RANBP2: variants seen among roughly 807,000 people sequenced by gnomAD.
RANBP2 encodes E3 SUMO-protein ligase RanBP2.
Under a neutral mutation model 303.6 loss-of-function variants are expected in RANBP2, and 57 were observed. That is an observed-to-expected ratio of 0.19 (90% CI 0.15 to 0.23). The LOEUF (loss-of-function observed/expected upper bound fraction) is 0.23. Ranked by LOEUF, RANBP2 falls within the 10% of genes least tolerant of loss-of-function variation. The pLI is 1.00. For synonymous variants in RANBP2, 1,167 were observed against 1,301.5 expected, an observed-to-expected ratio of 0.90 and a Z score of 2.23; for missense variants, 3,138 against 3,780.8, an observed-to-expected ratio of 0.83 and a Z score of 4.46.
chr2:109,660,888 A>C, the RANBP2 span, among the ~76,000 whole-genome samples: 8 of 151,734 alleles, frequency 5.3e-5, no homozygotes, highest in Admixed American at 2.0e-4. Flanking sequence ...TGTCTTAAGC[A>C]CTCTTCTCTC....
At chr2:109,055,156 A>G in the RANBP2 span, among the ~76,000 whole-genome samples, 1 of 152,182 alleles carries the variant, frequency 6.6e-6, no homozygotes, top group Non-Finnish European at 1.5e-5. Flanking sequence ...TAATGATATT[A>G]GCACCTTTTC....
the RANBP2 span, among the ~76,000 whole-genome samples, chr2:109,580,272 G>T: frequency 0.14 from 20,206 of 149,474 alleles, 1,842 homozygotes; most frequent in African/African-American, 0.26. Flanking sequence ...AGGTTAATTT[G>T]CCAATAAAAA....
chr2:108,805,911 T>C, the RANBP2 span, among the ~76,000 whole-genome samples: 2 of 151,636 alleles, frequency 1.3e-5, no homozygotes, highest in East Asian at 1.9e-4. Flanking sequence ...GTGTGGGGAG[T>C]AGATGTTGGA....
At chr2:109,714,254 TTGTG>T in the RANBP2 span, among the ~76,000 whole-genome samples, 21 of 149,530 alleles carry the variant, frequency 1.4e-4, no homozygotes, top group East Asian at 5.9e-4. Context: ...CCTGGCTAAT[TTGTG>T]TGTGTGTGTG....
At chr2:109,083,601 G>A in the RANBP2 span, among the ~76,000 whole-genome samples, 1 of 152,034 alleles carries the variant, frequency 6.6e-6, no homozygotes, top group Non-Finnish European at 1.5e-5. Flanking sequence ...TGTGAATAAC[G>A]TTGCTGTGAA....
chr2:108,756,465 A>T (rs1676322960), intron 17 of RANBP2, among the ~76,000 whole-genome samples: 1 of 152,212 alleles, frequency 6.6e-6, no homozygotes, highest in Non-Finnish European at 1.5e-5. Flanking sequence ...TACATCAAGG[A>T]TATGCTGATG....
the RANBP2 span, among the ~76,000 whole-genome samples, chr2:109,160,084 A>T: frequency 2.0e-5 from 3 of 152,204 alleles, no homozygotes; most frequent in Admixed American, 6.5e-5. Flanking sequence ...AAGGTTGGAG[A>T]CTGCTGATTT....
chr2:109,336,976 A>G, the RANBP2 span, among the ~76,000 whole-genome samples: 1 of 152,206 alleles, frequency 6.6e-6, no homozygotes, highest in Non-Finnish European at 1.5e-5. Flanking sequence ...AATTAGTGTA[A>G]AGCAGACAAA....
the RANBP2 span, among the ~76,000 whole-genome samples, chr2:109,474,957 T>G: frequency 1.3e-5 from 2 of 152,164 alleles, no homozygotes; most frequent in South Asian, 2.1e-4. Context: ...TCTTTTGTTT[T>G]GTTTGGGTTT....
the RANBP2 span, among the ~76,000 whole-genome samples, chr2:109,316,628 C>G: frequency 2.0e-5 from 3 of 152,198 alleles, no homozygotes; most frequent in African/African-American, 7.2e-5. Flanking sequence ...TCCTGCCCCG[C>G]CCCCATGTGC....
At chr2:109,179,007 G>C in the RANBP2 span, among the ~76,000 whole-genome samples, 1 of 147,082 alleles carries the variant, frequency 6.8e-6, no homozygotes, top group Non-Finnish European at 1.5e-5. Context: ...ATAATAATGT[G>C]TGTGTGTGTG....
the RANBP2 span, among the ~76,000 whole-genome samples, chr2:108,866,225 A>G: frequency 2.0e-5 from 3 of 152,164 alleles, no homozygotes; most frequent in Non-Finnish European, 2.9e-5. Context: ...TGCCATCTTG[A>G]TGATGTCATC....
the RANBP2 span, among the ~76,000 whole-genome samples, chr2:109,654,087 C>G: frequency 6.6e-6 from 1 of 152,116 alleles, no homozygotes. Context: ...ATGGTGTCCT[C>G]AGACAGTGTG....
chr2:108,888,932 G>A, the RANBP2 span, among the ~76,000 whole-genome samples: 106,957 of 151,866 alleles, frequency 0.7, 41,071 homozygotes, highest in East Asian at 0.9. Context: ...TGATGTAGGC[G>A]TTTATTGCTG....
chr2:108,873,812 A>G, the RANBP2 span, among the ~76,000 whole-genome samples: 1 of 152,210 alleles, frequency 6.6e-6, no homozygotes, highest in Non-Finnish European at 1.5e-5. Flanking sequence ...GTTGGGCCAC[A>G]TTCAAAGCCA....
the RANBP2 span, among the ~76,000 whole-genome samples, chr2:109,148,053 T>C: frequency 2.0e-5 from 3 of 152,190 alleles, no homozygotes; most frequent in African/African-American, 7.2e-5. Flanking sequence ...GCATGGTGAC[T>C]GTGGAATTCG....
the RANBP2 span, chr2:109,667,270 T>A: frequency 1.3e-6 from 1 of 759,392 alleles, no homozygotes; most frequent in Admixed American, 2.3e-5. Flanking sequence ...AGACCAACCA[T>A]CATAAGCAAG....
chr2:109,657,148 C>G, the RANBP2 span, among the ~76,000 whole-genome samples: 3 of 152,180 alleles, frequency 2.0e-5, no homozygotes, highest in African/African-American at 4.8e-5. Flanking sequence ...GTTATTGACT[C>G]TGCTCTGTGG....
the RANBP2 span, among the ~76,000 whole-genome samples, chr2:109,449,720 A>G: frequency 6.6e-6 from 1 of 152,224 alleles, no homozygotes; most frequent in African/African-American, 2.4e-5. Flanking sequence ...AAGTCCAGCT[A>G]CATTTCTCAT....
Sources: allele counts gnomAD v4.1 joint callset (sites outside exome capture counted in the v4.1 genomes callset), GRCh38; gene constraint gnomAD v4.1.1; transcripts MANE v1.5; gene names NCBI Gene and HGNC (gene_info 2026-07-23, HGNC 2026-07-21).